The following FUT9 variants were observed in gnomAD, a reference collection of about 807,000 sequenced individuals.
FUT9 encodes the protein 4-galactosyl-N-acetylglucosaminide 3-alpha-L-fucosyltransferase 9.
In FUT9, 15 loss-of-function variants were observed where a neutral mutation model predicts 29.7. The observed-to-expected ratio is 0.51, with a 90% CI of 0.34 to 0.78. FUT9 has a LOEUF of 0.78. Ranked by LOEUF, FUT9 falls within the 30% of genes least tolerant of loss-of-function variation. The pLI, the probability that FUT9 is intolerant of heterozygous loss-of-function variation, is 0.01. For missense variants in FUT9, 319 were observed against 425.4 expected (o/e 0.75, Z 2.20); for synonymous variants, 169 against 153.7 (o/e 1.10, Z -0.74).
chr6:96,148,788 C>T (rs184601925), intron 2 of FUT9, among the ~76,000 whole-genome samples: 106 of 152,208 alleles, frequency 7.0e-4, no homozygotes, highest in Middle Eastern at 3.4e-3. Context: ...TCTGTACATG[C>T]GCAGAAATCC....
intron 1 of FUT9, among the ~76,000 whole-genome samples, chr6:96,063,813 G>A (rs716192): frequency 0.56 from 84,418 of 151,914 alleles, 23,572 homozygotes; most frequent in South Asian, 0.64. Flanking sequence ...TATACCCTGC[G>A]CACCAGGCAG....
At position 96,189,365 on chromosome 6, in the gene FUT9, AT is replaced by A. The variant is rs10593649; in HGVS notation, c.-8-13771del. 3.5e-3 allele frequency among the ~76,000 whole-genome samples: 535 copies of A among 151,374 alleles called. 1 individual carries two copies. Among genetic ancestry groups the A allele is most frequent in the African/African-American group, 0.012 (478 of 41,118 alleles). ...CTTAAGCTACATGAAGACTTTTAAC[AT>A]TTTTTTTTTTTATCTTATAAGCAAT... On this transcript the variant is annotated intron_variant, in intron 2 of 2. Transcript: ENST00000302103.
At chr6:96,165,255 A>G (rs1311826150) in intron 2 of FUT9, among the ~76,000 whole-genome samples, 1 of 151,800 alleles carries the variant, frequency 6.6e-6, no homozygotes, top group African/African-American at 2.4e-5. Context: ...AACATGGAGA[A>G]ACCCCGTCTC....
Position 96,152,766 on chromosome 6 carries a change from T to C in FUT9, c.-9+38639T>C, listed in dbSNP as rs149325087. 6.6e-5 allele frequency among the ~76,000 whole-genome samples: 10 copies of C among 152,336 alleles called. No homozygotes were observed. The East Asian group carries it at 1.7e-3, about 26-fold the overall frequency. On this transcript the variant is annotated intron_variant, in intron 2 of 2. Transcript: ENST00000302103. ...CTACGAATATTCTGCCAAGTACAAA[T>C]AATTTAATACGATTGACCATTCAGT... is the stretch of plus-strand genomic sequence containing the variant.
intron 2 of FUT9, among the ~76,000 whole-genome samples, chr6:96,148,041 GAA>G (rs869106838): frequency 6.2e-4 from 89 of 144,706 alleles, no homozygotes; most frequent in African/African-American, 2.1e-3. Flanking sequence ...ATGTTGGAAA[GAA>G]AAAAAAAATA....
chr6:96,146,897 T>C (rs1404732178), intron 2 of FUT9, among the ~76,000 whole-genome samples: 2 of 152,210 alleles, frequency 1.3e-5, no homozygotes, highest in Admixed American at 1.3e-4. Context: ...AACTGAAAAT[T>C]CCCTGTCTTT....
chr6:96,053,586 A>G (rs7774041), intron 1 of FUT9, among the ~76,000 whole-genome samples: 88,103 of 151,212 alleles, frequency 0.58, 25,813 homozygotes, highest in African/African-American at 0.64. Flanking sequence ...GCAAGCACCT[A>G]TAGTCCCAGC....
rs755739868 is a variant in FUT9, at chr6:96,204,035, T to A, written c.880T>A (p.Ser294Thr). Residue 294 changes from serine to threonine, a missense_variant, in exon 3 of 3, where the codon TCT becomes ACT. By Grantham distance (58) the Ser-to-Thr change is moderately conservative (BLOSUM62 1). Transcript: ENST00000302103. ...DSFIHVEDYN[S>T]PSELAKYLKE... Reference sequence around the variant, plus strand: ...ATTCATTCATGTGGAAGATTATAACTCTCCCAGTGAGCTAGCAAAGTATCT... The same window carrying A: ...ATTCATTCATGTGGAAGATTATAACACTCCCAGTGAGCTAGCAAAGTATCT... 1.3e-6 allele frequency: 2 copies of A among 1,592,018 alleles called. No homozygotes were observed. The highest frequency in any genetic ancestry group is 1.1e-5 in the South Asian group (1 of 88,526).
At chr6:96,112,190 A>C (rs548411093) in intron 1 of FUT9, among the ~76,000 whole-genome samples, 3 of 152,300 alleles carry the variant, frequency 2.0e-5, no homozygotes, top group Admixed American at 2.0e-4. Context: ...AATACCTCCC[A>C]GCTTCTTAAT....
intron 2 of FUT9, among the ~76,000 whole-genome samples, chr6:96,144,575 G>A (rs1772529760): frequency 6.6e-6 from 1 of 152,158 alleles, no homozygotes; most frequent in Non-Finnish European, 1.5e-5. Flanking sequence ...GAGGAAATCT[G>A]CTTGCTAATT....
In FUT9 at chr6:96,203,684, C is replaced by G; in HGVS notation, c.529C>G (p.Pro177Ala). Residue 177 changes from proline (P) to alanine (A), a missense_variant, in exon 3 of 3, where the codon CCC becomes GCC. Transcript: ENST00000302103. ...PYGFLTVSTNPFVFEVPSKEK... is the reference protein window; with the variant it reads ...PYGFLTVSTNAFVFEVPSKEK... ...TGGCTTCTTGACGGTAAGCACAAAT[C>G]CCTTCGTGTTTGAAGTGCCAAGCAA... The G allele has an allele frequency of 6.2e-7, 1 of 1,613,944 alleles. No individual in the cohort carries two copies.
intron 2 of FUT9, among the ~76,000 whole-genome samples, chr6:96,195,414 G>A (rs1010187792): frequency 2.0e-5 from 3 of 152,150 alleles, no homozygotes; most frequent in Non-Finnish European, 4.4e-5. Flanking sequence ...AAGGATCTTT[G>A]AGAAAGGTTC....
chr6:96,125,377 C>T (rs1342231881), intron 2 of FUT9, among the ~76,000 whole-genome samples: 1 of 152,130 alleles, frequency 6.6e-6, no homozygotes, highest in African/African-American at 2.4e-5. Context: ...AGAATAATTC[C>T]TTCTCTACCT....
rs569436042 is a variant in FUT9 at position 96,150,479 on chromosome 6, C to G, written c.-9+36352C>G. On this transcript the variant is annotated intron_variant, in intron 2 of 2. Coordinates refer to ENST00000302103, the MANE Select transcript of FUT9 (RefSeq NM_006581.4). ...CTGTGAGGGGCTAGATGGTGCAAAG[C>G]TTTGGAGGCCTGATGTGCACTTTAA... Among the ~76,000 whole-genome samples the G allele has an allele frequency of 1.4e-4, 21 of 152,270 alleles. No individual in the cohort carries two copies. In the South Asian group the frequency reaches 1.9e-3, roughly 14 times the overall value.
intron 2 of FUT9, among the ~76,000 whole-genome samples, chr6:96,142,651 T>G (rs762328210): frequency 2.6e-5 from 4 of 152,186 alleles, no homozygotes; most frequent in African/African-American, 9.6e-5. Flanking sequence ...TTTTTCTGTA[T>G]GCAGATCTAT....
intron 1 of FUT9, among the ~76,000 whole-genome samples, chr6:96,044,412 A>C (rs1770522639): frequency 6.6e-6 from 1 of 152,230 alleles, no homozygotes; most frequent in Admixed American, 6.5e-5. Context: ...ATATTCCAAA[A>C]ATCCATATCC....
intron 2 of FUT9, among the ~76,000 whole-genome samples, chr6:96,164,124 G>A (rs1772966223): frequency 6.6e-6 from 1 of 152,110 alleles, no homozygotes; most frequent in Non-Finnish European, 1.5e-5. Context: ...GATGGGGGTT[G>A]GCCCTCCAGG....
intron 2 of FUT9, among the ~76,000 whole-genome samples, chr6:96,143,126 A>C (rs1392189026): frequency 6.6e-6 from 1 of 152,204 alleles, no homozygotes; most frequent in Non-Finnish European, 1.5e-5. Context: ...AATACTATAC[A>C]ATTAGGTAGA....
chr6:96,057,810 A>G (rs1368049921), intron 1 of FUT9, among the ~76,000 whole-genome samples: 1 of 152,198 alleles, frequency 6.6e-6, no homozygotes, highest in Non-Finnish European at 1.5e-5. Context: ...TGATACCTAA[A>G]TGATATAACA....
Sources: gnomAD v4.1 joint callset for allele counts (sites outside exome capture counted in the v4.1 genomes callset) on GRCh38, gnomAD v4.1.1 for gene constraint, MANE v1.5 for transcripts, NCBI Gene and HGNC (gene_info 2026-07-23, HGNC 2026-07-21) for gene names.